Variants in PHACTR1 observed in about 807,000 individuals in gnomAD.
The protein encoded by PHACTR1 is RPEL repeat containing 1.
Under a neutral mutation model 69.2 loss-of-function variants are expected in PHACTR1, and 16 were observed. That is an observed-to-expected ratio of 0.23 (90% CI 0.16 to 0.35). The LOEUF is 0.35. Ranked by LOEUF, PHACTR1 falls within the 10% of genes least tolerant of loss-of-function variation. PHACTR1 has a pLI of 1.00. For synonymous variants in PHACTR1, 312 were observed against 284.5 expected (o/e 1.10, Z -0.97); for missense variants, 510 against 734.7 (o/e 0.69, Z 3.54).
intron 5 of PHACTR1, among the ~76,000 whole-genome samples, chr6:13,067,855 G>A (rs1482105968): frequency 6.6e-6 from 1 of 152,158 alleles, no homozygotes; most frequent in African/African-American, 2.4e-5. Flanking sequence ...GCTTTTTATT[G>A]TATGATGTAT....
chr6:13,110,090 A>G (rs1816799065), intron 5 of PHACTR1, among the ~76,000 whole-genome samples: 1 of 151,954 alleles, frequency 6.6e-6, no homozygotes, highest in Non-Finnish European at 1.5e-5. Flanking sequence ...GCTGTTTTTA[A>G]GTCCTCATTT....
At chr6:13,126,573 A>G (rs888918870) in intron 5 of PHACTR1, among the ~76,000 whole-genome samples, 1 of 152,220 alleles carries the variant, frequency 6.6e-6, no homozygotes, top group Non-Finnish European at 1.5e-5. Context: ...CTAAATATCT[A>G]CCACATATTA....
At chr6:12,842,158 T>A (rs1243785847) in intron 4 of PHACTR1, among the ~76,000 whole-genome samples, 1 of 152,226 alleles carries the variant, frequency 6.6e-6, no homozygotes, top group African/African-American at 2.4e-5. Flanking sequence ...AAATGATGCC[T>A]GTTTTATGTT....
At chr6:13,051,114 G>GA (rs1041428325) in intron 4 of PHACTR1, among the ~76,000 whole-genome samples, 8 of 151,952 alleles carry the variant, frequency 5.3e-5, no homozygotes, top group African/African-American at 1.9e-4. Context: ...CGATCAGGCC[G>GA]ACCCCCCCAT....
intron 4 of PHACTR1, among the ~76,000 whole-genome samples, chr6:12,981,245 G>A (rs1795492126): frequency 6.6e-6 from 1 of 152,066 alleles, no homozygotes; most frequent in Non-Finnish European, 1.5e-5. Context: ...ATAAAATACT[G>A]GTGAAAAAAG....
chr6:13,046,139 C>A (rs938353247), intron 4 of PHACTR1, among the ~76,000 whole-genome samples: 2 of 152,084 alleles, frequency 1.3e-5, no homozygotes, highest in African/African-American at 4.8e-5. Context: ...CATGATGTGG[C>A]GTAATGGTTG....
intron 3 of PHACTR1, among the ~76,000 whole-genome samples, chr6:12,737,464 T>A (rs182671601): frequency 1.2e-3 from 182 of 152,120 alleles, no homozygotes; most frequent in African/African-American, 4.3e-3. Context: ...AGGAAATATA[T>A]ATGTATGATT....
intron 4 of PHACTR1, among the ~76,000 whole-genome samples, chr6:12,978,768 C>T (rs1232352376): frequency 6.6e-6 from 1 of 152,176 alleles, no homozygotes; most frequent in Admixed American, 6.5e-5. Flanking sequence ...CCTTACTTAC[C>T]ACAGCAGTAT....
chr6:12,812,901 A>G (rs1462149963), intron 4 of PHACTR1, among the ~76,000 whole-genome samples: 1 of 152,224 alleles, frequency 6.6e-6, no homozygotes, highest in Non-Finnish European at 1.5e-5. Flanking sequence ...TCCTCAGAGA[A>G]GAAGACCTCT....
intron 4 of PHACTR1, among the ~76,000 whole-genome samples, chr6:12,941,740 A>G (rs144133683): frequency 6.6e-6 from 1 of 152,324 alleles, no homozygotes; most frequent in East Asian, 1.9e-4. Flanking sequence ...GCATAGTCAG[A>G]GCCCAGGGCA....
Position 12,744,884 on chromosome 6 carries a change from AT to A in PHACTR1, c.104-4751del, listed in dbSNP as rs533931301. Among the ~76,000 whole-genome samples, 52 of 151,636 alleles carry A rather than the reference AT, an allele frequency of 3.4e-4. 1 individual carries two copies. In the South Asian group the frequency reaches 0.01, roughly 31 times the overall value. ...GCCTTCCAATCATTATATCTCTGGA[AT>A]TTTTTTTTACTTGCCTTACTTCCCT... On this transcript the variant is annotated intron_variant, in intron 3 of 14. Transcript: ENST00000332995.
At chr6:13,278,601 A>T (rs1280017508) in intron 12 of PHACTR1, among the ~76,000 whole-genome samples, 1 of 152,194 alleles carries the variant, frequency 6.6e-6, no homozygotes, top group African/African-American at 2.4e-5. Context: ...GATTATACTA[A>T]ATGTTTTGTT....
chr6:13,184,699 C>A, intron 7 of PHACTR1: 1 of 946,464 alleles, frequency 1.1e-6, no homozygotes, highest in Non-Finnish European at 1.5e-6. Flanking sequence ...CGGTGCTCCG[C>A]TGTGTTGCCA....
At chr6:13,044,304 G>C (rs1417902822) in intron 4 of PHACTR1, among the ~76,000 whole-genome samples, 1 of 152,028 alleles carries the variant, frequency 6.6e-6, no homozygotes, top group Non-Finnish European at 1.5e-5. Context: ...ATTGTGACCT[G>C]GAAATTCTTT....
chr6:13,058,110 A>G (rs1807079053), intron 5 of PHACTR1, among the ~76,000 whole-genome samples: 1 of 152,240 alleles, frequency 6.6e-6, no homozygotes, highest in African/African-American at 2.4e-5. Flanking sequence ...GTGAATCTGC[A>G]ATGGGATCCA....
intron 4 of PHACTR1, among the ~76,000 whole-genome samples, chr6:12,812,261 T>G (rs1775101514): frequency 6.6e-6 from 1 of 152,230 alleles, no homozygotes; most frequent in Admixed American, 6.5e-5. Flanking sequence ...TATGTGACTT[T>G]TGTGTCTGGC....
intron 1 of PHACTR1, 75 bp downstream of exon 1, chr6:12,716,971 G>C (rs1316475175): frequency 7.6e-6 from 1 of 131,634 alleles, no homozygotes; most frequent in Non-Finnish European, 1.6e-5. Flanking sequence ...GGGGATGGGG[G>C]TTGTGGGGGG....
At chr6:13,223,169 A>G (rs775333458) in intron 8 of PHACTR1, among the ~76,000 whole-genome samples, 13 of 152,256 alleles carry the variant, frequency 8.5e-5, no homozygotes, top group Non-Finnish European at 1.5e-4. Context: ...GACTTAAAAA[A>G]TTACAAAGTA....
intron 4 of PHACTR1, among the ~76,000 whole-genome samples, chr6:12,793,099 G>A (rs922140979): frequency 2.6e-5 from 4 of 152,064 alleles, no homozygotes; most frequent in South Asian, 2.1e-4. Flanking sequence ...TATTAGTAGC[G>A]TTCACATTAA....
Sources: allele counts gnomAD v4.1 joint callset (sites outside exome capture counted in the v4.1 genomes callset), GRCh38; gene constraint gnomAD v4.1.1; transcripts MANE v1.5; gene names NCBI Gene and HGNC (gene_info 2026-07-23, HGNC 2026-07-21).